Variants in RUNX2 observed in about 807,000 individuals in gnomAD.
RUNX2 encodes the protein RUNX family transcription factor 2.
Under a neutral mutation model 51.7 loss-of-function variants are expected in RUNX2, and 10 were observed. That is an observed-to-expected ratio of 0.19 (90% CI 0.12 to 0.33). RUNX2 has a LOEUF of 0.33. Among genes scored for constraint, RUNX2 ranks in the 10% least tolerant of loss-of-function variants. RUNX2 has a pLI of 1.00. For synonymous variants in RUNX2, 276 were observed against 273.6 expected, an observed-to-expected ratio of 1.01 and a Z score of -0.09; for missense variants, 562 against 691.3, an observed-to-expected ratio of 0.81 and a Z score of 2.10.
At chr6:45,338,413 G>C (rs1004560435) in intron 2 of RUNX2, among the ~76,000 whole-genome samples, 2 of 151,760 alleles carry the variant, frequency 1.3e-5, no homozygotes, top group African/African-American at 4.8e-5. Flanking sequence ...AATAAAACTG[G>C]TATCATTTCT....
chr6:45,441,341 G>A (rs565685655), intron 5 of RUNX2, among the ~76,000 whole-genome samples: 3 of 152,212 alleles, frequency 2.0e-5, no homozygotes, highest in South Asian at 2.1e-4. Flanking sequence ...TCTTTATGTC[G>A]GACTGCTTGG....
intron 5 of RUNX2, among the ~76,000 whole-genome samples, chr6:45,469,132 A>G (rs967704906): frequency 1.3e-5 from 2 of 152,188 alleles, no homozygotes; most frequent in Non-Finnish European, 2.9e-5. Context: ...TTCTTAAAAC[A>G]TACTGCTTCA....
At chr6:45,431,104 G>T (rs1798529589) in intron 3 of RUNX2, among the ~76,000 whole-genome samples, 1 of 152,228 alleles carries the variant, frequency 6.6e-6, no homozygotes, top group South Asian at 2.1e-4. Context: ...GAGTTAATTT[G>T]CTTCAGATTA....
At chr6:45,466,573 T>A (rs1799635991) in intron 5 of RUNX2, among the ~76,000 whole-genome samples, 1 of 152,144 alleles carries the variant, frequency 6.6e-6, no homozygotes, top group Non-Finnish European at 1.5e-5. Context: ...CCAAGAAGGG[T>A]GGCCAGGATG....
At chr6:45,492,191 C>A in intron 6 of RUNX2, 77 bp downstream of exon 6, 1 of 1,369,098 alleles carries the variant, frequency 7.3e-7, no homozygotes, top group African/African-American at 1.4e-5. Context: ...GAGATGTGTT[C>A]ACTTCAAAAC....
At chr6:45,445,128 G>A (rs1798954891) in intron 5 of RUNX2, among the ~76,000 whole-genome samples, 1 of 152,146 alleles carries the variant, frequency 6.6e-6, no homozygotes, top group African/African-American at 2.4e-5. Flanking sequence ...GGGTTCAAGC[G>A]ATTCTCCTGC....
At chr6:45,414,753 G>C (rs1798026034) in intron 2 of RUNX2, among the ~76,000 whole-genome samples, 1 of 82,826 alleles carries the variant, frequency 1.2e-5, no homozygotes, top group Non-Finnish European at 2.1e-5. Flanking sequence ...CCAGATCCTG[G>C]CTTTTTTTTT....
chr6:45,422,754 G>T lies in RUNX2; in HGVS notation c.220G>T (p.Ala74Ser). Residue 74 changes from alanine (A) to serine (S), a missense_variant, in exon 3 of 9, where the codon GCG becomes TCG. Ala to Ser is a moderately conservative substitution (Grantham distance 99). Around this residue, in one of 5 missense-constraint regions of RUNX2, gnomAD observed 153 missense variants for 144.8 expected, o/e 1.06. Transcript: ENST00000647337. The part of the protein sequence containing the change: ...QQQQQQQQEA[A>S]AAAAAAAAAA... Reference sequence around the variant, plus strand: ...ACAGCAGCAGCAGCAGCAGGAGGCGGCGGCGGCGGCTGCGGCGGCGGCGGC... The same window carrying T: ...ACAGCAGCAGCAGCAGCAGGAGGCGTCGGCGGCGGCTGCGGCGGCGGCGGC... 7.4e-7 allele frequency: 1 copy of T among 1,350,976 alleles called. No individual in the cohort carries two copies. Among genetic ancestry groups the T allele is most frequent in the African/African-American group, 1.5e-5 (1 of 67,100 alleles). 83.7% of individuals were successfully genotyped at this position (1,350,976 alleles called of 1,614,324 possible).
intron 7 of RUNX2, among the ~76,000 whole-genome samples, chr6:45,525,182 A>G (rs184244768): frequency 1.2e-3 from 189 of 152,324 alleles, no homozygotes; most frequent in African/African-American, 4.4e-3. Context: ...GCAGTTAACA[A>G]AGAAAGTTAA....
At chr6:45,494,456 C>A (rs1407700605) in intron 6 of RUNX2, among the ~76,000 whole-genome samples, 1 of 152,066 alleles carries the variant, frequency 6.6e-6, no homozygotes, top group Non-Finnish European at 1.5e-5. Context: ...AGTATTAGTG[C>A]TCTTCATTTT....
chr6:45,476,474 T>A (rs879843680), intron 5 of RUNX2, among the ~76,000 whole-genome samples: 4 of 152,204 alleles, frequency 2.6e-5, no homozygotes, highest in Non-Finnish European at 5.9e-5. Flanking sequence ...ATATAATATT[T>A]GGACGAGAAC....
chr6:45,509,882 C>T (rs1045665459), intron 6 of RUNX2, among the ~76,000 whole-genome samples: 8 of 152,176 alleles, frequency 5.3e-5, no homozygotes, highest in Admixed American at 2.0e-4. Flanking sequence ...AAACTGCTTG[C>T]TCAGGAAGTC....
intron 2 of RUNX2, among the ~76,000 whole-genome samples, chr6:45,406,219 A>G (rs1797830904): frequency 1.3e-5 from 2 of 151,732 alleles, no homozygotes; most frequent in Admixed American, 6.6e-5. Flanking sequence ...CTCTTCACCT[A>G]CCCCTATGAT....
intron 6 of RUNX2, among the ~76,000 whole-genome samples, chr6:45,507,886 C>G (rs1197277164): frequency 2.6e-5 from 4 of 152,174 alleles, no homozygotes; most frequent in African/African-American, 9.7e-5. Flanking sequence ...GAGTCTTTAA[C>G]TGTGGGAAAC....
At chr6:45,463,345 C>A (rs909414010) in intron 5 of RUNX2, among the ~76,000 whole-genome samples, 1 of 152,190 alleles carries the variant, frequency 6.6e-6, no homozygotes, top group African/African-American at 2.4e-5. Context: ...AATGAATTGA[C>A]TAAGACATCA....
At chr6:45,515,078 A>G (rs1801278330) in intron 7 of RUNX2, among the ~76,000 whole-genome samples, 1 of 152,038 alleles carries the variant, frequency 6.6e-6, no homozygotes, top group South Asian at 2.1e-4. Context: ...ACTAACCTCT[A>G]TCCCTGTTTA....
chr6:45,387,489 C>A (rs1003178574), intron 2 of RUNX2, among the ~76,000 whole-genome samples: 37 of 152,112 alleles, frequency 2.4e-4, no homozygotes, highest in Admixed American at 1.7e-3. Context: ...ACAGCGGAAG[C>A]CAAAGGAGAC....
chr6:45,414,638 A>T (rs1798023852), intron 2 of RUNX2, among the ~76,000 whole-genome samples: 1 of 151,674 alleles, frequency 6.6e-6, no homozygotes, highest in African/African-American at 2.4e-5. Context: ...CCAGTCTCTG[A>T]CTTCAACTGC....
At chr6:45,366,135 T>A (rs1326756578) in intron 2 of RUNX2, among the ~76,000 whole-genome samples, 1 of 152,234 alleles carries the variant, frequency 6.6e-6, no homozygotes, top group East Asian at 1.9e-4. Flanking sequence ...TTATTTCATA[T>A]GCTTGCATAA....
Sources: gnomAD v4.1 joint callset for allele counts (sites outside exome capture counted in the v4.1 genomes callset) on GRCh38, gnomAD v4.1.1 for gene constraint, gnomAD v4.1.1 regional missense constraint, MANE v1.5 for transcripts, NCBI Gene and HGNC (gene_info 2026-07-23, HGNC 2026-07-21) for gene names.